Variants in CEP126 observed in about 807,000 individuals in gnomAD.
CEP126 encodes the protein centrosomal protein 126.
CEP126 carries 74 observed loss-of-function variants against 107.8 expected under a neutral mutation model. The ratio of observed to expected loss-of-function variants is 0.69; its 90% confidence interval spans 0.57 to 0.83. The LOEUF is 0.83. CEP126 is among the 40% of genes least tolerant of loss of function. The probability of loss-of-function intolerance (pLI) is 0.00; values close to 1 mark genes in which losing one functional copy is unlikely to be tolerated. For synonymous variants in CEP126, 449 were observed against 446.0 expected, an observed-to-expected ratio of 1.01 and a Z score of -0.08; for missense variants, 1,237 against 1,281.9, an observed-to-expected ratio of 0.96 and a Z score of 0.53.
chr11:101,927,692 A>G (rs1206092414), intron 2 of CEP126, among the ~76,000 whole-genome samples: 1 of 152,008 alleles, frequency 6.6e-6, no homozygotes, highest in East Asian at 1.9e-4. Context: ...TCTCAGTACA[A>G]TTCTTTGGGA....
rs1461235182 is a variant in CEP126 at position 101,978,376 on chromosome 11, G to A, written c.2875G>A (p.Ala959Thr). The change falls in exon 7 of 11, where the codon GCT becomes ACT. Residue 959 changes from alanine (A) to threonine (T), a missense_variant. Ala to Thr is a moderately conservative substitution (Grantham distance 58, BLOSUM62 0). This residue lies in a region of CEP126 where 1,134 missense variants were observed against 1,150.5 expected (regional missense o/e 0.99). Transcript: ENST00000263468. ...TACTGTTATGAGAAGAAAACGAATT[G>A]CTGAAACTAAGCGGAGAAATATTTT... ...GSTVMRRKRI[A>T]ETKRRNILEQ... 2.5e-6 allele frequency: 4 copies of A among 1,613,398 alleles called. No individual in the cohort carries two copies. Among genetic ancestry groups the A allele is most frequent in the Non-Finnish European group, 3.4e-6 (4 of 1,179,544 alleles).
At chr11:101,940,104 C>A (rs898784151) in intron 2 of CEP126, among the ~76,000 whole-genome samples, 1 of 152,080 alleles carries the variant, frequency 6.6e-6, no homozygotes, top group African/African-American at 2.4e-5. Context: ...ATCCCTGGAA[C>A]AGACATCTCT....
At chr11:101,985,489 G>A (rs1489863142) in intron 8 of CEP126, among the ~76,000 whole-genome samples, 1 of 151,944 alleles carries the variant, frequency 6.6e-6, no homozygotes, top group Non-Finnish European at 1.5e-5. Context: ...CACCATGTTG[G>A]CCAGGCTGGT....
intron 4 of CEP126, among the ~76,000 whole-genome samples, chr11:101,951,069 A>G (rs981958144): frequency 6.6e-6 from 1 of 152,222 alleles, no homozygotes. Flanking sequence ...ATAGTGAAGA[A>G]AGGATGGCTC....
intron 2 of CEP126, among the ~76,000 whole-genome samples, chr11:101,941,557 G>A (rs1053714106): frequency 1.3e-5 from 2 of 152,034 alleles, no homozygotes; most frequent in African/African-American, 4.8e-5. Flanking sequence ...ATGAACAGTT[G>A]GGTTGCTTCC....
chr11:101,921,763 GA>G (rs76835520), intron 1 of CEP126, among the ~76,000 whole-genome samples: 105,886 of 105,890 alleles, frequency 1, 52,941 homozygotes, highest in Middle Eastern at 1. Context: ...CTCTTTATCT[GA>G]AGTTCATGAT....
intron 9 of CEP126, among the ~76,000 whole-genome samples, chr11:101,989,059 T>C (rs966816473): frequency 1.3e-5 from 2 of 152,106 alleles, no homozygotes; most frequent in Non-Finnish European, 2.9e-5. Flanking sequence ...AAATGAACCA[T>C]GTATAAGACC....
At chr11:101,987,368 C>A (rs1280858506) in intron 9 of CEP126, among the ~76,000 whole-genome samples, 1 of 152,068 alleles carries the variant, frequency 6.6e-6, no homozygotes, top group Non-Finnish European at 1.5e-5. Context: ...TTTAAACCTG[C>A]AATATAGTGA....
chr11:101,972,197 C>T (rs1283059724), intron 6 of CEP126, among the ~76,000 whole-genome samples: 2 of 151,038 alleles, frequency 1.3e-5, no homozygotes, highest in Non-Finnish European at 2.9e-5. Context: ...AGGGCCGAGG[C>T]GGGCGGATCA....
At chr11:101,983,440 C>T (rs569058775) in intron 8 of CEP126, among the ~76,000 whole-genome samples, 9 of 152,144 alleles carry the variant, frequency 5.9e-5, no homozygotes, top group Non-Finnish European at 1.2e-4. Context: ...GATCCATCAG[C>T]GTCGCATGAG....
chr11:101,922,715 G>T lies in CEP126; in HGVS notation c.203G>T (p.Arg68Leu). 6.2e-7 allele frequency: 1 copy of T among 1,612,666 alleles called. No homozygotes were observed. The highest frequency in any genetic ancestry group is 8.5e-7 in the Non-Finnish European group (1 of 1,178,972). The change falls in exon 2 of 11, where the codon CGA becomes CTA. Residue 68 changes from arginine to leucine, a missense_variant. This residue lies in a region of CEP126 where 1,134 missense variants were observed against 1,150.5 expected (regional missense o/e 0.99). Coordinates refer to ENST00000263468, the MANE Select transcript of CEP126 (RefSeq NM_020802.4). Reference protein sequence around the residue: ...QILLQQQKICRNRARKYFVES... With the variant: ...QILLQQQKICLNRARKYFVES... ...TTACTGCAGCAACAAAAAATATGTCGAAATCGAGCACGTAAATATTTTGTG... is the reference window on the plus strand; with the variant it reads ...TTACTGCAGCAACAAAAAATATGTCTAAATCGAGCACGTAAATATTTTGTG...
chr11:101,979,584 CAAAAAT>C (rs1941231833), intron 7 of CEP126, among the ~76,000 whole-genome samples: 2 of 151,772 alleles, frequency 1.3e-5, no homozygotes, highest in East Asian at 3.9e-4. Flanking sequence ...CTCGTCTCTG[CAAAAAT>C]AAAAATAAAA....
chr11:101,966,248 T>G (rs910267878), intron 6 of CEP126, among the ~76,000 whole-genome samples: 2 of 152,240 alleles, frequency 1.3e-5, no homozygotes, highest in African/African-American at 4.8e-5. Flanking sequence ...CTGAATATTT[T>G]GTATGTTCAG....
intron 5 of CEP126, among the ~76,000 whole-genome samples, chr11:101,960,765 A>T (rs548663748): frequency 3.9e-5 from 6 of 152,168 alleles, no homozygotes. Context: ...GTAAATTTTT[A>T]AAATTTACAT....
Position 101,963,339 on chromosome 11 carries a change from C to G in CEP126, c.2304C>G (p.Gly768=), listed in dbSNP as rs749312862. Residue 768 remains glycine (G), a synonymous_variant, in exon 6 of 11, where the codon GGC becomes GGG. Transcript: ENST00000263468. ...CAGGATCTGCAAAAGTCCAATCAGG[C>G]TTTATATGTACAAACAGAAAAGGCG... ...RKPGSAKVQS[G]FICTNRKGAV... 116 of 1,613,910 alleles carry G rather than the reference C, an allele frequency of 7.2e-5. No homozygotes were observed. In the Admixed American group the frequency reaches 1.9e-3, roughly 26 times the overall value.
intron 2 of CEP126, among the ~76,000 whole-genome samples, chr11:101,936,042 C>G (rs1940573754): frequency 6.6e-6 from 1 of 152,020 alleles, no homozygotes; most frequent in Non-Finnish European, 1.5e-5. Context: ...TTTTACTTTT[C>G]CCTATAAATA....
At chr11:101,988,451 C>A (rs945408841) in intron 9 of CEP126, among the ~76,000 whole-genome samples, 6 of 152,014 alleles carry the variant, frequency 3.9e-5, no homozygotes, top group African/African-American at 1.2e-4. Flanking sequence ...AAGGCTAAGA[C>A]AATATCTAAA....
chr11:101,934,968 G>T (rs184891068), intron 2 of CEP126, among the ~76,000 whole-genome samples: 24 of 152,034 alleles, frequency 1.6e-4, no homozygotes, highest in African/African-American at 5.8e-4. Context: ...CATATAAGAA[G>T]ATGTCAAACA....
chr11:101,926,841 G>C (rs933441453), intron 2 of CEP126, among the ~76,000 whole-genome samples: 1 of 150,744 alleles, frequency 6.6e-6, no homozygotes, highest in Admixed American at 6.6e-5. Context: ...TTTTCTTCAT[G>C]CCCTACAATC....
Sources: gnomAD v4.1 joint callset for allele counts (sites outside exome capture counted in the v4.1 genomes callset) on GRCh38, gnomAD v4.1.1 for gene constraint, gnomAD v4.1.1 regional missense constraint, MANE v1.5 for transcripts, NCBI Gene and HGNC (gene_info 2026-07-23, HGNC 2026-07-21) for gene names.